RANBP2: variants seen among roughly 807,000 people sequenced by gnomAD.
RANBP2 encodes the protein E3 SUMO-protein ligase RanBP2.
In RANBP2, 57 loss-of-function variants were observed where a neutral mutation model predicts 303.6. That is an observed-to-expected ratio of 0.19 (90% CI 0.15 to 0.23). RANBP2 has a LOEUF of 0.23. Ranked by LOEUF, RANBP2 falls within the 10% of genes least tolerant of loss-of-function variation. The pLI is 1.00. For synonymous variants in RANBP2, 1,167 were observed against 1,301.5 expected (o/e 0.90, Z 2.23); for missense variants, 3,138 against 3,780.8 (o/e 0.83, Z 4.46).
At chr2:108,749,450 T>C (rs3954209) in intron 9 of RANBP2, among the ~76,000 whole-genome samples, 12 of 152,068 alleles carry the variant, frequency 7.9e-5, no homozygotes, top group Admixed American at 2.6e-4. Context: ...ATGCCCGCCA[T>C]CACGCCCGGC....
chr2:109,409,841 C>T, the RANBP2 span, among the ~76,000 whole-genome samples: 1 of 152,104 alleles, frequency 6.6e-6, no homozygotes. Context: ...CTGATTTACA[C>T]CCCGTGTAAT....
chr2:109,061,757 T>C, the RANBP2 span, among the ~76,000 whole-genome samples: 5 of 152,188 alleles, frequency 3.3e-5, no homozygotes, highest in Admixed American at 6.5e-5. Flanking sequence ...TCAATCCATA[T>C]TATCAGAATG....
At chr2:108,779,424 T>C (rs956820160) in intron 25 of RANBP2, among the ~76,000 whole-genome samples, 29 of 151,360 alleles carry the variant, frequency 1.9e-4, no homozygotes, top group Non-Finnish European at 3.8e-4. Flanking sequence ...CTCGGCCTCC[T>C]AAAGTGCTGG....
the RANBP2 span, among the ~76,000 whole-genome samples, chr2:109,505,067 C>G: frequency 6.6e-6 from 1 of 152,236 alleles, no homozygotes; most frequent in East Asian, 1.9e-4. Context: ...CCAGCACTCT[C>G]CTGGTCTTAC....
the RANBP2 span, among the ~76,000 whole-genome samples, chr2:109,222,501 AAAG>A: frequency 3.3e-5 from 5 of 151,526 alleles, no homozygotes; most frequent in African/African-American, 9.8e-5. Flanking sequence ...AAAAAAATAA[AAAG>A]AGTCCATCCT....
the RANBP2 span, among the ~76,000 whole-genome samples, chr2:109,323,645 T>C: frequency 2.6e-5 from 4 of 152,214 alleles, no homozygotes; most frequent in Non-Finnish European, 5.9e-5. Context: ...TTGGTGAGGT[T>C]GAGCTGTGTG....
chr2:109,606,386 G>T, the RANBP2 span, among the ~76,000 whole-genome samples: 1 of 152,150 alleles, frequency 6.6e-6, no homozygotes, highest in Non-Finnish European at 1.5e-5. Flanking sequence ...CTGCATTCCA[G>T]TCTGGCGACA....
chr2:108,765,952 G>C lies in RANBP2; in HGVS notation c.5413G>C (p.Asp1805His). 2 of 1,614,128 alleles carry C rather than the reference G, an allele frequency of 1.2e-6. No homozygotes were observed. Among genetic ancestry groups the C allele is most frequent in the South Asian group, 1.1e-5 (1 of 91,082 alleles). The change falls in exon 20 of 29, where the codon GAT (aspartate) becomes CAT (histidine). Residue 1805 changes from aspartate (D) to histidine (H), a missense_variant. This residue lies in a region of RANBP2 where 348 missense variants were observed against 360.4 expected (regional missense o/e 0.97). Transcript: ENST00000283195. ...ESSSLKCVAC[D>H]ASKPTHKPIA... ...TTCTTCCTTAAAATGTGTGGCTTGT[G>C]ATGCCTCTAAACCAACTCATAAACC...
chr2:109,279,985 G>A, the RANBP2 span, among the ~76,000 whole-genome samples: 1 of 152,238 alleles, frequency 6.6e-6, no homozygotes, highest in East Asian at 1.9e-4. Flanking sequence ...CCTGGGCCAC[G>A]GTTTCTCTTA....
At chr2:109,591,204 G>T in the RANBP2 span, among the ~76,000 whole-genome samples, 4 of 152,252 alleles carry the variant, frequency 2.6e-5, no homozygotes, top group African/African-American at 9.6e-5. Context: ...GTTCAAGATG[G>T]TAAGAACTTC....
the RANBP2 span, among the ~76,000 whole-genome samples, chr2:109,409,956 C>T: frequency 6.6e-6 from 1 of 152,230 alleles, no homozygotes; most frequent in Non-Finnish European, 1.5e-5. Flanking sequence ...GGAGATGTTT[C>T]TTCTTGGGGT....
At chr2:108,737,547 A>G (rs1189663520) in intron 6 of RANBP2, among the ~76,000 whole-genome samples, 3 of 137,478 alleles carry the variant, frequency 2.2e-5, no homozygotes, top group Non-Finnish European at 3.1e-5. Context: ...GATGGTCTCA[A>G]GCTCTTTTTT....
At chr2:109,766,454 C>A in the RANBP2 span, among the ~76,000 whole-genome samples, 1 of 150,434 alleles carries the variant, frequency 6.6e-6, no homozygotes, top group Non-Finnish European at 1.5e-5. Context: ...GAGGAGGAAC[C>A]CAGGGAGTGT....
the RANBP2 span, among the ~76,000 whole-genome samples, chr2:109,514,146 G>A: frequency 0.19 from 29,502 of 152,138 alleles, 3,736 homozygotes; most frequent in Non-Finnish European, 0.28. Context: ...CTGAGGTTTG[G>A]TTGAAACTTA....
the RANBP2 span, among the ~76,000 whole-genome samples, chr2:109,413,484 C>G: frequency 1.3e-5 from 2 of 152,174 alleles, no homozygotes; most frequent in Non-Finnish European, 2.9e-5. Flanking sequence ...CCTGCCCTGT[C>G]TCTGTCTGTC....
chr2:109,583,751 C>T, the RANBP2 span, among the ~76,000 whole-genome samples: 4,739 of 152,198 alleles, frequency 0.031, 245 homozygotes, highest in African/African-American at 0.11. Context: ...TGCCCATCAA[C>T]GTGGACTGGA....
the RANBP2 span, among the ~76,000 whole-genome samples, chr2:108,854,065 T>TATATAATAAA: frequency 8.1e-6 from 1 of 122,966 alleles, no homozygotes; most frequent in African/African-American, 3.3e-5. Flanking sequence ...ATTATATATA[T>TATATAATAAA]TTTATATATA....
At position 108,766,919 on chromosome 2, in the gene RANBP2, A is replaced by C. The variant is rs1677158577; in HGVS notation, c.6380A>C (p.Lys2127Thr). Reference sequence around the variant, plus strand: ...CTAGAGCAGTTGGCAGCAAAATTTAAAACACCAGAGCTGGCTGAAGAATTC... The same window carrying C: ...CTAGAGCAGTTGGCAGCAAAATTTACAACACCAGAGCTGGCTGAAGAATTC... ...AKLEQLAAKF[K>T]TPELAEEFKQ... The change falls in exon 20 of 29, where the codon AAA becomes ACA. Residue 2127 changes from lysine (K) to threonine (T), a missense_variant. Physicochemically the swap from Lys to Thr is moderately conservative, Grantham distance 78. Around this residue, in one of 20 missense-constraint regions of RANBP2, gnomAD observed 103 missense variants for 214.3 expected, o/e 0.48. Transcript: ENST00000283195. The C allele has an allele frequency of 6.2e-7, 1 of 1,610,178 alleles. No homozygotes were observed. Among genetic ancestry groups the C allele is most frequent in the Non-Finnish European group, 8.5e-7 (1 of 1,179,860 alleles).
the RANBP2 span, among the ~76,000 whole-genome samples, chr2:109,379,139 A>G: frequency 1.3e-5 from 2 of 152,196 alleles, no homozygotes; most frequent in Non-Finnish European, 2.9e-5. Flanking sequence ...ATATCTGCAA[A>G]TCTTGTTTCA....
Sources: allele counts gnomAD v4.1 joint callset (sites outside exome capture counted in the v4.1 genomes callset), GRCh38; gene constraint gnomAD v4.1.1; regional missense constraint gnomAD v4.1.1; transcripts MANE v1.5; gene names NCBI Gene and HGNC (gene_info 2026-07-23, HGNC 2026-07-21).